Variants in WDR12 observed in about 807,000 individuals in gnomAD.
WDR12 encodes ribosome biogenesis protein WDR12.
Under a neutral mutation model 64.3 loss-of-function variants are expected in WDR12, and 42 were observed. That is an observed-to-expected ratio of 0.65 (90% CI 0.51 to 0.84). WDR12 has a LOEUF of 0.84. Ranked by LOEUF, WDR12 falls within the 40% of genes least tolerant of loss-of-function variation. WDR12 has a pLI of 0.00. For synonymous variants in WDR12, 158 were observed against 173.3 expected (o/e 0.91, Z 0.70); for missense variants, 469 against 494.6 (o/e 0.95, Z 0.49).
rs924783019 is a variant in WDR12 at position 202,874,900 on chromosome 2, G to A, written c.*5960C>T. 2 of 152,138 alleles carry A rather than the reference G, an allele frequency of 1.3e-5. No individual in the cohort carries two copies. The highest frequency in any genetic ancestry group is 2.4e-5 in the African/African-American group (1 of 41,428). The allele number at this position is 152,138 out of a possible 1,614,324, so 9.4% of individuals were successfully genotyped here. Reference sequence around the variant, plus strand: ...TTAAATGTGAAGTGTTATCGACATCGTTTTAAAAATTATTTCCTCCCCCTG... The same window carrying A: ...TTAAATGTGAAGTGTTATCGACATCATTTTAAAAATTATTTCCTCCCCCTG... On this transcript the variant is annotated 3_prime_UTR_variant, in exon 13 of 13. Coordinates refer to ENST00000261015, the MANE Select transcript of WDR12 (RefSeq NM_018256.4).
Position 202,880,767 on chromosome 2 carries a change from G to T in WDR12, c.*93C>A. 1 of 1,082,252 alleles carries T rather than the reference G, an allele frequency of 9.2e-7. No homozygotes were observed. Among genetic ancestry groups the T allele is most frequent in the Non-Finnish European group, 1.3e-6 (1 of 757,092 alleles). The allele number at this position is 1,082,252 out of a possible 1,614,324, so 67.0% of individuals were successfully genotyped here. ...TGAAAACATTATATAAACTTCAAAA[G>T]GCTGCTTTCTGCATCTGCATCTATG... On this transcript the variant is annotated 3_prime_UTR_variant, in exon 13 of 13. Coordinates refer to ENST00000261015, the MANE Select transcript of WDR12 (RefSeq NM_018256.4).
chr2:202,896,649 C>T (rs1688247659), intron 5 of WDR12, among the ~76,000 whole-genome samples: 2 of 152,052 alleles, frequency 1.3e-5, no homozygotes, highest in Admixed American at 1.3e-4. Flanking sequence ...TGAGATGGAG[C>T]CACTACACTC....
At chr2:202,881,866 C>T (rs1378048926) in intron 12 of WDR12, among the ~76,000 whole-genome samples, 1 of 151,624 alleles carries the variant, frequency 6.6e-6, no homozygotes, top group Admixed American at 6.6e-5. Flanking sequence ...ACAACAACAG[C>T]AAAAACAACA....
chr2:202,895,248 C>A (rs1189630934), intron 6 of WDR12, among the ~76,000 whole-genome samples: 1 of 152,108 alleles, frequency 6.6e-6, no homozygotes, highest in Non-Finnish European at 1.5e-5. Context: ...GGATTTATAA[C>A]CCTTCATATT....
At chr2:202,891,927 A>G (rs758125329) in intron 8 of WDR12, among the ~76,000 whole-genome samples, 3 of 152,198 alleles carry the variant, frequency 2.0e-5, no homozygotes, top group Non-Finnish European at 4.4e-5. Flanking sequence ...GAAATGGGGA[A>G]ATGTTGGTCC....
chr2:202,891,238 C>T (rs1688151628), intron 8 of WDR12, among the ~76,000 whole-genome samples: 1 of 152,156 alleles, frequency 6.6e-6, no homozygotes, highest in Non-Finnish European at 1.5e-5. Context: ...GTGGTGCAAT[C>T]TTGGCTCACT....
At chr2:202,905,638 T>C (rs1046349140) in intron 2 of WDR12, among the ~76,000 whole-genome samples, 7 of 152,122 alleles carry the variant, frequency 4.6e-5, no homozygotes, top group South Asian at 4.1e-4. Context: ...TACTCAAAAG[T>C]AGAGAAATCA....
At chr2:202,883,102 G>A (rs1687983820) in intron 11 of WDR12, among the ~76,000 whole-genome samples, 1 of 152,018 alleles carries the variant, frequency 6.6e-6, no homozygotes, top group Non-Finnish European at 1.5e-5. Flanking sequence ...TGTTTGTCTA[G>A]CTATCTATAT....
intron 2 of WDR12, among the ~76,000 whole-genome samples, chr2:202,903,074 G>A (rs969480821): frequency 5.3e-5 from 8 of 151,884 alleles, no homozygotes; most frequent in East Asian, 1.9e-4. Context: ...GCAAGACTCC[G>A]TCTCAAAAAA....
chr2:202,908,070 A>G, intron 1 of WDR12, 111 bp from the exon 2 acceptor site: 1 of 975,474 alleles, frequency 1.0e-6, no homozygotes, highest in African/African-American at 1.6e-5. Flanking sequence ...ACATCCAGAC[A>G]TTTTGCTACA....
chr2:202,899,590 C>A lies in WDR12; in HGVS notation c.279G>T (p.Gln93His). ...IEYVEKYTAP[Q>H]PEQCMFHDDW... is the part of the protein sequence containing the mutation. ...CATCATGGAACATGCATTGCTCTGG[C>A]TGGGGTGCAGTATACTTCTCCACGT... Residue 93 changes from glutamine to histidine, a missense_variant, in exon 4 of 13, where the codon CAG becomes CAT. Coordinates refer to ENST00000261015, the MANE Select transcript of WDR12 (RefSeq NM_018256.4). The A allele has an allele frequency of 1.2e-6, 2 of 1,614,190 alleles. No homozygotes were observed. Among genetic ancestry groups the A allele is most frequent in the South Asian group, 1.1e-5 (1 of 91,084 alleles).
In WDR12 at chr2:202,880,300, C is replaced by T. The variant is rs375066437; in HGVS notation, c.*560G>A. On this transcript the variant is annotated 3_prime_UTR_variant, in exon 13 of 13. Coordinates refer to ENST00000261015, the MANE Select transcript of WDR12 (RefSeq NM_018256.4). ...CTTAATTCGGCCAGGCACAGTGGCT[C>T]ACTTTGGGAGGCTGAGGTGGGCAGA... is the stretch of plus-strand genomic sequence containing the variant. 4.6e-5 allele frequency: 7 copies of T among 152,250 alleles called. No homozygotes were observed. The East Asian group carries it at 9.6e-4, about 21-fold the overall frequency. The allele number at this position is 152,250 out of a possible 1,614,324, so 9.4% of individuals were successfully genotyped here. A position where few individuals can be genotyped will look rare whatever the true frequency, so the allele number is the denominator to read the frequency against.
chr2:202,880,162 GCTTTTTTAAA>G lies in WDR12; in HGVS notation c.*688_*697del, dbSNP rs1396586720. On this transcript the variant is annotated 3_prime_UTR_variant, in exon 13 of 13. Transcript: ENST00000261015. ...ACAATTTTCATTAATCTTTTTGAAT[GCTTTTTTAAA>G]ATAGCTAACTTAAAAAAATCTAAGT... 4.6e-5 allele frequency: 7 copies of G among 152,016 alleles called. No homozygotes were observed. The highest frequency in any genetic ancestry group is 1.7e-4 in the African/African-American group (7 of 41,368). The allele number at this position is 152,016 out of a possible 1,614,324, so 9.4% of individuals were successfully genotyped here. A position where few individuals can be genotyped will look rare whatever the true frequency, so the allele number is the denominator to read the frequency against.
chr2:202,911,551 A>G lies in WDR12; in HGVS notation c.-75T>C. On this transcript the variant is annotated 5_prime_UTR_variant, in exon 1 of 13. Transcript: ENST00000261015. ...CCACAACACGAAGCTCCTGCCTTTT[A>G]AGACTACAAAGAGGCAGCTCAAAAT... The G allele has an allele frequency of 7.3e-7, 1 of 1,376,812 alleles. No individual in the cohort carries two copies. 85.3% of individuals were successfully genotyped at this position (1,376,812 alleles called of 1,614,324 possible). A position where few individuals can be genotyped will look rare whatever the true frequency, so the allele number is the denominator to read the frequency against.
chr2:202,893,617 G>C lies in WDR12; in HGVS notation c.656-915C>G, dbSNP rs1688190155. ...CTCAAGTCTTTGTGAAATGCATTTG[G>C]GGTATTATACTGTGTAACACAGCAA... On this transcript the variant is annotated intron_variant, in intron 7 of 12. Transcript: ENST00000261015. Among the ~76,000 whole-genome samples the C allele has an allele frequency of 2.6e-5, 4 of 152,188 alleles. No homozygotes were observed. The South Asian group carries it at 8.3e-4, about 32-fold the overall frequency.
At chr2:202,906,130 A>C (rs1688453172) in intron 2 of WDR12, among the ~76,000 whole-genome samples, 1 of 152,120 alleles carries the variant, frequency 6.6e-6, no homozygotes, top group African/African-American at 2.4e-5. Flanking sequence ...TATCTAATGT[A>C]CCCCATAGAT....
At chr2:202,906,072 C>A (rs559411037) in intron 2 of WDR12, among the ~76,000 whole-genome samples, 13 of 152,144 alleles carry the variant, frequency 8.5e-5, no homozygotes, top group Admixed American at 5.2e-4. Flanking sequence ...TGATGGATAC[C>A]TCATTTACCC....
chr2:202,901,988 C>T (rs758069821), intron 2 of WDR12, among the ~76,000 whole-genome samples: 2 of 152,118 alleles, frequency 1.3e-5, no homozygotes, highest in South Asian at 4.1e-4. Context: ...TTATATCAGT[C>T]TGATTCTATC....
intron 8 of WDR12, among the ~76,000 whole-genome samples, chr2:202,891,749 G>GTT (rs1043063477): frequency 9.9e-5 from 15 of 152,184 alleles, no homozygotes; most frequent in Admixed American, 3.3e-4. Flanking sequence ...AATGAAAAGT[G>GTT]TTTTTCTAAA....
Sources: gnomAD v4.1 joint callset for allele counts (sites outside exome capture counted in the v4.1 genomes callset) on GRCh38, gnomAD v4.1.1 for gene constraint, MANE v1.5 for transcripts, NCBI Gene and HGNC (gene_info 2026-07-23, HGNC 2026-07-21) for gene names.